The following LRMDA variants were observed in gnomAD, a reference collection of about 807,000 sequenced individuals.
The protein encoded by LRMDA is leucine rich melanocyte differentiation associated, also known as leucine-rich melanocyte differentiation-associated protein.
A neutral mutation model predicts 29.8 loss-of-function variants in LRMDA; 18 were observed. The observed-to-expected ratio is 0.60, with a 90% CI of 0.42 to 0.90. The LOEUF is 0.90. Among genes scored for constraint, LRMDA ranks in the 40% least tolerant of loss-of-function variants. The probability of loss-of-function intolerance (pLI) is 0.00; values close to 1 mark genes in which losing one functional copy is unlikely to be tolerated. For missense variants in LRMDA, 273 were observed against 273.9 expected, an observed-to-expected ratio of 1.00 and a Z score of 0.02; for synonymous variants, 125 against 109.4, an observed-to-expected ratio of 1.14 and a Z score of -0.89.
At chr10:76,452,170 C>A (rs1842413884) in intron 6 of LRMDA, among the ~76,000 whole-genome samples, 1 of 152,090 alleles carries the variant, frequency 6.6e-6, no homozygotes, top group Non-Finnish European at 1.5e-5. Flanking sequence ...TTGTGTATGC[C>A]TATGTCCTAT....
chr10:76,220,543 C>T (rs1296937868), intron 5 of LRMDA, among the ~76,000 whole-genome samples: 1 of 152,166 alleles, frequency 6.6e-6, no homozygotes, highest in Non-Finnish European at 1.5e-5. Context: ...AATTCCTTGA[C>T]ACATACACCC....
At chr10:76,456,164 T>C (rs1421754177) in intron 6 of LRMDA, among the ~76,000 whole-genome samples, 1 of 152,182 alleles carries the variant, frequency 6.6e-6, no homozygotes, top group Non-Finnish European at 1.5e-5. Flanking sequence ...GAACAACAAA[T>C]AGCCAGATTC....
At chr10:75,927,324 G>A (rs1473002648) in intron 2 of LRMDA, among the ~76,000 whole-genome samples, 2 of 152,178 alleles carry the variant, frequency 1.3e-5, no homozygotes, top group Non-Finnish European at 2.9e-5. Flanking sequence ...ATAAACCACT[G>A]TAAAACTGTA....
intron 2 of LRMDA, among the ~76,000 whole-genome samples, chr10:76,007,276 C>G (rs1424711341): frequency 6.6e-6 from 1 of 152,016 alleles, no homozygotes. Flanking sequence ...GCCCACCCTC[C>G]CCTCCTTCCC....
chr10:76,525,603 G>A (rs184668725), intron 6 of LRMDA, among the ~76,000 whole-genome samples: 5 of 79,280 alleles, frequency 6.3e-5, no homozygotes, highest in Non-Finnish European at 1.2e-4. Flanking sequence ...GCAGGTAAGT[G>A]AATGGCGGAC....
chr10:76,406,407 A>G (rs556363966), intron 6 of LRMDA, among the ~76,000 whole-genome samples: 33 of 152,340 alleles, frequency 2.2e-4, no homozygotes, highest in African/African-American at 7.7e-4. Flanking sequence ...AATACATGGA[A>G]CAGAGATGTT....
intron 2 of LRMDA, among the ~76,000 whole-genome samples, chr10:75,514,505 G>A (rs1306225856): frequency 6.6e-6 from 1 of 152,054 alleles, no homozygotes. Context: ...CAAATTGCAT[G>A]TTGAAATTTG....
rs555377359 is a variant in LRMDA, at chr10:76,081,625, G to C, written c.516+22842G>C. On this transcript the variant is annotated intron_variant, in intron 5 of 6. Transcript: ENST00000611255. ...TAATCCTACTAATTGCCTAAGATGAGATGAAAGAAAATTCACCTATACAAG... is the reference window on the plus strand; with the variant it reads ...TAATCCTACTAATTGCCTAAGATGACATGAAAGAAAATTCACCTATACAAG... Among the ~76,000 whole-genome samples the C allele has an allele frequency of 6.8e-4, 103 of 152,262 alleles. 3 individuals carry two copies. In the South Asian group the frequency reaches 0.021, roughly 31 times the overall value.
intron 2 of LRMDA, among the ~76,000 whole-genome samples, chr10:75,700,313 A>G (rs990040773): frequency 2.0e-5 from 3 of 151,288 alleles, no homozygotes; most frequent in African/African-American, 4.9e-5. Flanking sequence ...ATGAAGCATC[A>G]TTATATGACA....
intron 2 of LRMDA, among the ~76,000 whole-genome samples, chr10:75,693,284 T>A (rs917351700): frequency 3.9e-5 from 6 of 152,202 alleles, no homozygotes; most frequent in Non-Finnish European, 8.8e-5. Context: ...TGCAATGTTT[T>A]ATGCTTGTCA....
intron 2 of LRMDA, among the ~76,000 whole-genome samples, chr10:75,860,099 A>G (rs1844896761): frequency 6.6e-6 from 1 of 152,082 alleles, no homozygotes; most frequent in African/African-American, 2.4e-5. Flanking sequence ...CTATTTGTCT[A>G]TCTGTTTGCT....
intron 6 of LRMDA, among the ~76,000 whole-genome samples, chr10:76,344,923 C>G (rs12241039): frequency 2.7e-5 from 4 of 147,832 alleles, no homozygotes; most frequent in African/African-American, 1.0e-4. Flanking sequence ...AGAAATCATA[C>G]AAGTACTGAA....
chr10:75,923,830 C>T (rs1846069555), intron 2 of LRMDA, among the ~76,000 whole-genome samples: 1 of 152,126 alleles, frequency 6.6e-6, no homozygotes, highest in South Asian at 2.1e-4. Flanking sequence ...CCCTCCCTTA[C>T]CCCCTTGCAT....
At chr10:75,629,947 A>G (rs1420435138) in intron 2 of LRMDA, among the ~76,000 whole-genome samples, 1 of 152,250 alleles carries the variant, frequency 6.6e-6, no homozygotes, top group Non-Finnish European at 1.5e-5. Context: ...AATTTATTGC[A>G]GATCAGTTTT....
Position 76,077,992 on chromosome 10 carries a change from A to ATT in LRMDA, c.516+19244_516+19245dup, listed in dbSNP as rs756023731. 5.0e-3 allele frequency among the ~76,000 whole-genome samples: 240 copies of ATT among 48,084 alleles called. 72 individuals are homozygous for ATT. Among genetic ancestry groups the ATT allele is most frequent in the Middle Eastern group, 0.048 (2 of 42 alleles). The allele number at this position is 48,084 out of a possible 152,430, so 31.5% of individuals were successfully genotyped here. A position where few individuals can be genotyped will look rare whatever the true frequency, so the allele number is the denominator to read the frequency against. ...TCCTACCCCTAACTGCAATATTAACATTTTTTTTTTTTTTTTTTTTTTTTT... is the reference window on the plus strand; with the variant it reads ...TCCTACCCCTAACTGCAATATTAACATTTTTTTTTTTTTTTTTTTTTTTTTTT... On this transcript the variant is annotated intron_variant, in intron 5 of 6. Transcript: ENST00000611255.
At chr10:76,539,234 T>C (rs1182016633) in intron 6 of LRMDA, among the ~76,000 whole-genome samples, 1 of 151,988 alleles carries the variant, frequency 6.6e-6, no homozygotes, top group Non-Finnish European at 1.5e-5. Flanking sequence ...GTAGATACTC[T>C]AGGAAGAAGA....
At position 76,336,037 on chromosome 10, in the gene LRMDA, G is replaced by T. The variant is rs921617004; in HGVS notation, c.601+11552G>T. On this transcript the variant is annotated intron_variant, in intron 6 of 6. Coordinates refer to ENST00000611255, the MANE Select transcript of LRMDA (RefSeq NM_001305581.2). Reference sequence around the variant, plus strand: ...TATTAAGATAGTTGAGGGAGGCTTAGAATTTTATTTTTGGTTTACAGAAGG... The same window carrying T: ...TATTAAGATAGTTGAGGGAGGCTTATAATTTTATTTTTGGTTTACAGAAGG... 4.6e-5 allele frequency among the ~76,000 whole-genome samples: 7 copies of T among 152,148 alleles called. No individual in the cohort carries two copies. In the East Asian group the frequency reaches 7.7e-4, roughly 17 times the overall value.
At chr10:75,582,512 G>T (rs905081585) in intron 2 of LRMDA, among the ~76,000 whole-genome samples, 3 of 152,182 alleles carry the variant, frequency 2.0e-5, no homozygotes, top group Non-Finnish European at 4.4e-5. Context: ...AGTGTCCTGA[G>T]GCTGGGCAGG....
At chr10:76,318,222 C>G (rs1480076690) in intron 5 of LRMDA, 2 of 152,218 alleles carry the variant, frequency 1.3e-5, no homozygotes, top group Non-Finnish European at 2.9e-5. Context: ...ATAAAATGCC[C>G]AAGCCACAGC....
Sources: gnomAD v4.1 joint callset for allele counts (sites outside exome capture counted in the v4.1 genomes callset) on GRCh38, gnomAD v4.1.1 for gene constraint, MANE v1.5 for transcripts, NCBI Gene and HGNC (gene_info 2026-07-23, HGNC 2026-07-21) for gene names.